Variants in XKRX observed in about 807,000 individuals in gnomAD.
The protein encoded by XKRX is XK-related protein 2.
XKRX carries 11 observed loss-of-function variants against 22.4 expected under a neutral mutation model. That is an observed-to-expected ratio of 0.49 (90% CI 0.31 to 0.81). XKRX has a LOEUF of 0.81. Ranked by LOEUF, XKRX falls within the 40% of genes least tolerant of loss-of-function variation. The pLI is 0.05. For synonymous variants in XKRX, 114 were observed against 132.2 expected (o/e 0.86, Z 0.94); for missense variants, 320 against 336.5 (o/e 0.95, Z 0.38).
At chrX:100,901,683 G>T in the XKRX span, among the ~76,000 whole-genome samples, 1 of 112,136 alleles carries the variant, frequency 8.9e-6, no homozygotes, top group South Asian at 3.7e-4. Flanking sequence ...CTGCCTAAGT[G>T]CACATGGAAC....
chrX:100,938,543 C>T, the XKRX span, among the ~76,000 whole-genome samples: 1 of 111,302 alleles, frequency 9.0e-6, no homozygotes, highest in South Asian at 3.8e-4. Context: ...GCAGGAGAAT[C>T]GCTTGAACCC....
At chrX:100,897,560 G>A in the XKRX span, among the ~76,000 whole-genome samples, 84 of 98,931 alleles carry the variant, frequency 8.5e-4, no homozygotes, top group Non-Finnish European at 1.6e-3. Context: ...ACTCCAGCCT[G>A]GGCAAAAAAA....
intron 2 of XKRX, among the ~76,000 whole-genome samples, chrX:100,920,622 T>C (rs1240831067): frequency 8.9e-6 from 1 of 112,358 alleles, no homozygotes; most frequent in Admixed American, 9.4e-5. Flanking sequence ...TTTCAAACCA[T>C]ACAGAAGAAT....
chrX:100,914,305 C>A lies in XKRX; in HGVS notation c.*33G>T. 1.7e-6 allele frequency: 2 copies of A among 1,191,538 alleles called. No homozygotes were observed. Among genetic ancestry groups the A allele is most frequent in the South Asian group, 3.7e-5 (2 of 53,603 alleles). ...AATTTCATGGTTACTCTTGGCAACT[C>A]CCAACTCTTCCTAAAATACCCAGAA... On this transcript the variant is annotated 3_prime_UTR_variant, in exon 3 of 3. Coordinates refer to ENST00000372956, the MANE Select transcript of XKRX (RefSeq NM_212559.3).
the XKRX span, among the ~76,000 whole-genome samples, chrX:100,896,623 CT>C: frequency 5.0e-4 from 56 of 111,816 alleles, no homozygotes; most frequent in Non-Finnish European, 9.2e-4. Flanking sequence ...CTAAATTTCT[CT>C]GGATGTATCT....
At chrX:100,942,501 A>C in the XKRX span, among the ~76,000 whole-genome samples, 2 of 112,024 alleles carry the variant, frequency 1.8e-5, no homozygotes, top group African/African-American at 6.5e-5. Context: ...TTGAGAAAAA[A>C]GTAACCACAG....
upstream of XKRX, chrX:100,929,337 T>C (rs2085512814): frequency 9.0e-6 from 1 of 111,637 alleles, no homozygotes; most frequent in African/African-American, 3.3e-5. Context: ...AGCCGAGGGA[T>C]GCTCGTTGTG....
intron 2 of XKRX, among the ~76,000 whole-genome samples, chrX:100,918,980 G>A (rs1024297462): frequency 9.0e-6 from 1 of 111,423 alleles, no homozygotes; most frequent in South Asian, 3.7e-4. Context: ...TTATAAAAAT[G>A]TAAGACTCAT....
the XKRX span, among the ~76,000 whole-genome samples, chrX:100,959,117 T>C: frequency 9.0e-6 from 1 of 111,577 alleles, no homozygotes; most frequent in African/African-American, 3.3e-5. Context: ...TGAATTATAA[T>C]ATTTAAAGTG....
the XKRX span, among the ~76,000 whole-genome samples, chrX:100,907,350 C>T: frequency 9.0e-6 from 1 of 110,995 alleles, no homozygotes; most frequent in Non-Finnish European, 1.9e-5. Flanking sequence ...TACACACCAC[C>T]ATGCCTGACT....
intron 2 of XKRX, among the ~76,000 whole-genome samples, chrX:100,918,542 G>C (rs1197512014): frequency 8.9e-6 from 1 of 111,800 alleles, no homozygotes; most frequent in Non-Finnish European, 1.9e-5. Flanking sequence ...CATGCCATAA[G>C]AGAACAAAAT....
At chrX:100,923,838 T>TTTC (rs67830277) in intron 1 of XKRX, among the ~76,000 whole-genome samples, 1 of 44,411 alleles carries the variant, frequency 2.3e-5, no homozygotes, top group African/African-American at 6.3e-5. Flanking sequence ...TCTTTCTTTC[T>TTTC]TTTTTTTTTT....
chrX:100,945,806 CAA>C, the XKRX span, among the ~76,000 whole-genome samples: 132 of 31,813 alleles, frequency 4.1e-3, 1 homozygote, highest in Middle Eastern at 0.036. Context: ...ATTCTGTCTC[CAA>C]AAAAAAAAAA....
At chrX:100,926,312 G>A (rs1199294954) in intron 1 of XKRX, among the ~76,000 whole-genome samples, 1 of 111,526 alleles carries the variant, frequency 9.0e-6, no homozygotes, top group Non-Finnish European at 1.9e-5. Context: ...GTCAATGACA[G>A]GGGGAAGACT....
upstream of XKRX, among the ~76,000 whole-genome samples, chrX:100,932,405 C>T (rs947652823): frequency 4.5e-5 from 5 of 111,690 alleles, no homozygotes; most frequent in Admixed American, 3.8e-4. Flanking sequence ...ACCTAGGCTG[C>T]CTCCTGAATG....
downstream of XKRX, among the ~76,000 whole-genome samples, chrX:100,908,828 C>T (rs1602408060): frequency 1.0e-5 from 1 of 97,236 alleles, no homozygotes. Flanking sequence ...TGGAACATGA[C>T]AATAAACTCT....
In XKRX at chrX:100,914,134, T is replaced by G; in HGVS notation, c.*204A>C. ...ATTTCTGACCCTTTCAACTATATAG[T>G]CGATACCCCCTGTTTCCAAACATAG... On this transcript the variant is annotated 3_prime_UTR_variant, in exon 3 of 3. Coordinates refer to ENST00000372956, the MANE Select transcript of XKRX (RefSeq NM_212559.3). 1 of 471,783 alleles carries G rather than the reference T, an allele frequency of 2.1e-6. No homozygotes were observed. The highest frequency in any genetic ancestry group is 3.6e-5 in the South Asian group (1 of 27,985). 38.9% of individuals were successfully genotyped at this position (471,783 alleles called of 1,213,427 possible).
chrX:100,895,512 A>G, the XKRX span, among the ~76,000 whole-genome samples: 1 of 111,846 alleles, frequency 8.9e-6, no homozygotes, highest in Non-Finnish European at 1.9e-5. Context: ...ACTTAGGTAA[A>G]GTCGACATTT....
At chrX:100,893,858 G>T in the XKRX span, among the ~76,000 whole-genome samples, 1 of 111,674 alleles carries the variant, frequency 9.0e-6, no homozygotes, top group African/African-American at 3.3e-5. Flanking sequence ...TTACCTACTG[G>T]GTACAATGTT....
Sources: gnomAD v4.1 joint callset for allele counts (sites outside exome capture counted in the v4.1 genomes callset) on GRCh38, gnomAD v4.1.1 for gene constraint, MANE v1.5 for transcripts, NCBI Gene and HGNC (gene_info 2026-07-23, HGNC 2026-07-21) for gene names.